KCNK2: variants seen among roughly 807,000 people sequenced by gnomAD.
KCNK2 encodes potassium channel subfamily K member 2.
A neutral mutation model predicts 40.5 loss-of-function variants in KCNK2; 21 were observed. That is an observed-to-expected ratio of 0.52 (90% CI 0.37 to 0.75). The LOEUF is 0.75. Among genes scored for constraint, KCNK2 ranks in the 30% least tolerant of loss-of-function variants. The pLI is 0.00. For missense variants in KCNK2, 399 were observed against 531.6 expected, an observed-to-expected ratio of 0.75 and a Z score of 2.45; for synonymous variants, 191 against 202.2, an observed-to-expected ratio of 0.94 and a Z score of 0.47.
chr1:215,067,057 A>C (rs76332396), intron 1 of KCNK2, among the ~76,000 whole-genome samples: 1,758 of 151,674 alleles, frequency 0.012, 38 homozygotes, highest in South Asian at 0.097. Context: ...GAGGGGAAAG[A>C]AAAAAACGAA....
At chr1:215,035,058 T>C (rs1442432339) in intron 1 of KCNK2, among the ~76,000 whole-genome samples, 1 of 152,116 alleles carries the variant, frequency 6.6e-6, no homozygotes, top group Non-Finnish European at 1.5e-5. Flanking sequence ...TCAAATTTGC[T>C]AACTCCTACC....
chr1:215,077,025 C>T (rs1008116563), intron 1 of KCNK2, among the ~76,000 whole-genome samples: 2 of 152,200 alleles, frequency 1.3e-5, no homozygotes, highest in Non-Finnish European at 2.9e-5. Context: ...GGCAGCTTCT[C>T]CTCTCCTCTT....
intron 2 of KCNK2, among the ~76,000 whole-genome samples, chr1:215,100,266 TA>T (rs1660153263): frequency 6.6e-6 from 1 of 151,922 alleles, no homozygotes; most frequent in Admixed American, 6.6e-5. Context: ...TCAGGATGCC[TA>T]AACAGATTTC....
intron 1 of KCNK2, among the ~76,000 whole-genome samples, chr1:215,013,405 A>C (rs1597846): frequency 0.15 from 22,614 of 152,160 alleles, 1,971 homozygotes; most frequent in Middle Eastern, 0.27. Context: ...TCTTTTAAAA[A>C]AATGTTTTCT....
chr1:215,067,884 A>T (rs950668885), intron 1 of KCNK2, among the ~76,000 whole-genome samples: 1 of 152,036 alleles, frequency 6.6e-6, no homozygotes, highest in East Asian at 1.9e-4. Context: ...AATTACTTTC[A>T]TATTTAATAT....
chr1:215,219,217 T>C (rs1457179786), intron 6 of KCNK2, among the ~76,000 whole-genome samples: 2 of 152,170 alleles, frequency 1.3e-5, no homozygotes, highest in Non-Finnish European at 2.9e-5. Flanking sequence ...TACCTGAGAT[T>C]GGATAATTCA....
At chr1:215,164,401 G>C (rs1002366073) in intron 3 of KCNK2, among the ~76,000 whole-genome samples, 4 of 151,862 alleles carry the variant, frequency 2.6e-5, no homozygotes, top group Non-Finnish European at 5.9e-5. Flanking sequence ...AGAGTTTTTT[G>C]TGTCTCTATC....
chr1:215,061,962 G>C (rs1658376068), intron 1 of KCNK2, among the ~76,000 whole-genome samples: 1 of 152,040 alleles, frequency 6.6e-6, no homozygotes, highest in Non-Finnish European at 1.5e-5. Flanking sequence ...TGGAATTATA[G>C]ATTGATTAAT....
intron 1 of KCNK2, among the ~76,000 whole-genome samples, chr1:215,018,103 G>T (rs555807306): frequency 7.9e-4 from 121 of 152,258 alleles, no homozygotes; most frequent in African/African-American, 2.9e-3. Context: ...GTAATAATAT[G>T]TATGATGTAG....
At chr1:215,153,916 A>G (rs1662796781) in intron 3 of KCNK2, among the ~76,000 whole-genome samples, 1 of 152,170 alleles carries the variant, frequency 6.6e-6, no homozygotes, top group South Asian at 2.1e-4. Context: ...CCTGCAAAGG[A>G]CATGATCTCA....
chr1:215,192,490 T>C (rs999895727), intron 5 of KCNK2, among the ~76,000 whole-genome samples: 1 of 152,214 alleles, frequency 6.6e-6, no homozygotes, highest in African/African-American at 2.4e-5. Flanking sequence ...GAGCATGAAC[T>C]AACTCTTCTA....
At chr1:215,083,705 A>G (rs972738121) in intron 1 of KCNK2, 42 of 554,124 alleles carry the variant, frequency 7.6e-5, no homozygotes, top group Non-Finnish European at 3.6e-5. Flanking sequence ...CCCATGGAGA[A>G]GGAGGGTCAG....
intron 2 of KCNK2, among the ~76,000 whole-genome samples, chr1:215,119,574 A>G (rs1294015232): frequency 1.3e-5 from 2 of 152,152 alleles, no homozygotes; most frequent in Non-Finnish European, 2.9e-5. Flanking sequence ...AGCAAAATTA[A>G]ATGTGAATCC....
chr1:215,108,627 A>G (rs1048959536), intron 2 of KCNK2, among the ~76,000 whole-genome samples: 2 of 151,508 alleles, frequency 1.3e-5, no homozygotes, highest in East Asian at 2.0e-4. Context: ...GTTTTCTTCT[A>G]GAAGTTTTAT....
intron 3 of KCNK2, among the ~76,000 whole-genome samples, chr1:215,131,050 C>CG (rs1309348747): frequency 6.6e-6 from 1 of 150,744 alleles, no homozygotes; most frequent in African/African-American, 2.4e-5. Context: ...TTAGTAGAGA[C>CG]GGGGTTTCAC....
At chr1:215,199,695 TA>T (rs1441412867) in intron 6 of KCNK2, among the ~76,000 whole-genome samples, 1 of 152,174 alleles carries the variant, frequency 6.6e-6, no homozygotes, top group Non-Finnish European at 1.5e-5. Flanking sequence ...TCTGAGGAAA[TA>T]ATGTTTCCAT....
intron 3 of KCNK2, among the ~76,000 whole-genome samples, chr1:215,154,403 G>A (rs948808838): frequency 2.0e-5 from 3 of 150,944 alleles, no homozygotes; most frequent in Non-Finnish European, 4.4e-5. Flanking sequence ...CTTTTGAGAA[G>A]TGTCTTTGCC....
intron 6 of KCNK2, among the ~76,000 whole-genome samples, chr1:215,223,874 G>T (rs1405906260): frequency 1.3e-5 from 2 of 152,072 alleles, no homozygotes; most frequent in African/African-American, 4.8e-5. Flanking sequence ...GGCAAAGTAT[G>T]CTGGGTAAAA....
At chr1:215,047,011 T>G (rs1657793703) in intron 1 of KCNK2, among the ~76,000 whole-genome samples, 1 of 152,124 alleles carries the variant, frequency 6.6e-6, no homozygotes, top group Admixed American at 6.5e-5. Flanking sequence ...CAAAGTTAAT[T>G]TCACAACTTC....
Sources: gnomAD v4.1 joint callset for allele counts (sites outside exome capture counted in the v4.1 genomes callset) on GRCh38, gnomAD v4.1.1 for gene constraint, MANE v1.5 for transcripts, NCBI Gene and HGNC (gene_info 2026-07-23, HGNC 2026-07-21) for gene names.